The following PSD3 variants were observed in gnomAD, a reference collection of about 807,000 sequenced individuals.
PSD3 encodes PH and SEC7 domain-containing protein 3.
A neutral mutation model predicts 105.5 loss-of-function variants in PSD3; 49 were observed. That is an observed-to-expected ratio of 0.46 (90% confidence interval 0.37 to 0.59). The LOEUF is 0.59. PSD3 is among the 20% of genes least tolerant of loss of function. The pLI, the probability that PSD3 is intolerant of heterozygous loss-of-function variation, is 0.00. For missense variants in PSD3, 1,561 were observed against 1,263.8 expected (o/e 1.24, Z -3.57); for synonymous variants, 557 against 457.8 (o/e 1.22, Z -2.77).
intron 8 of PSD3, among the ~76,000 whole-genome samples, chr8:18,798,696 GTTCATTTATT>G (rs142257565): frequency 0.37 from 55,644 of 151,832 alleles, 12,721 homozygotes; most frequent in Middle Eastern, 0.53. Flanking sequence ...ATAGTCCCAG[GTTCATTTATT>G]TTAAAGAGTA....
intron 4 of PSD3, among the ~76,000 whole-genome samples, chr8:18,827,649 TGG>T (rs1480614862): frequency 6.6e-6 from 1 of 152,092 alleles, no homozygotes; most frequent in Non-Finnish European, 1.5e-5. Context: ...AGACTGAAGA[TGG>T]GGGTAGGTCC....
At chr8:18,949,154 A>C (rs11204004) in intron 1 of PSD3, among the ~76,000 whole-genome samples, 1 of 136,438 alleles carries the variant, frequency 7.3e-6, no homozygotes, top group South Asian at 2.5e-4. Flanking sequence ...CCCAGGAGAC[A>C]GAGCTTGCAG....
chr8:18,692,612 G>T (rs576538396), intron 9 of PSD3, among the ~76,000 whole-genome samples: 9 of 152,314 alleles, frequency 5.9e-5, no homozygotes, highest in African/African-American at 1.9e-4. Flanking sequence ...CTTTTTTAAA[G>T]ATGATGAAAA....
At chr8:18,798,073 C>T (rs933589876) in intron 8 of PSD3, among the ~76,000 whole-genome samples, 1 of 152,192 alleles carries the variant, frequency 6.6e-6, no homozygotes, top group Admixed American at 6.5e-5. Flanking sequence ...AATCCACTGA[C>T]TGGCCATCCC....
chr8:18,737,427 C>T (rs1028774956), intron 9 of PSD3, among the ~76,000 whole-genome samples: 23 of 152,064 alleles, frequency 1.5e-4, no homozygotes, highest in Admixed American at 9.8e-4. Flanking sequence ...TGGGCTCAAG[C>T]GATCCTCCCA....
chr8:19,011,536 CT>C (rs1198375838), intron 1 of PSD3, among the ~76,000 whole-genome samples: 1 of 152,128 alleles, frequency 6.6e-6, no homozygotes, highest in Non-Finnish European at 1.5e-5. Context: ...TTCCATCTTA[CT>C]TTATTTTTTT....
intron 15 of PSD3, among the ~76,000 whole-genome samples, chr8:18,550,764 C>T (rs1219524485): frequency 1.3e-5 from 2 of 152,056 alleles, no homozygotes; most frequent in Non-Finnish European, 2.9e-5. Flanking sequence ...CATCTTAAGT[C>T]GGGAACCATC....
Position 19,074,584 on chromosome 8 carries a change from G to GATATATATATATATATAT in PSD3, c.324+9621_324+9622insATATATATATATATATAT, listed in dbSNP as rs57891868. 1.7e-3 allele frequency among the ~76,000 whole-genome samples: 174 copies of GATATATATATATATATAT among 99,478 alleles called. 10 individuals are homozygous for GATATATATATATATATAT. Among genetic ancestry groups the GATATATATATATATATAT allele is most frequent in the Non-Finnish European group, 2.8e-3 (132 of 47,820 alleles). 65.3% of individuals were successfully genotyped at this position (99,478 alleles called of 152,430 possible). A position where few individuals can be genotyped will look rare whatever the true frequency, so the allele number is the denominator to read the frequency against. On this transcript the variant is annotated intron_variant, in intron 1 of 1. Transcript: ENST00000521475. ...ATAAAAGGTATAATTTTACAACTCA[G>GATATATATATATATATAT]ATATATACATATATATATATATATA...
intron 1 of PSD3, among the ~76,000 whole-genome samples, chr8:18,978,105 T>C (rs973119552): frequency 6.6e-6 from 1 of 152,158 alleles, no homozygotes; most frequent in Admixed American, 6.5e-5. Context: ...AGGGAGGAAT[T>C]TGAAAGCCAG....
chr8:18,945,183 C>T (rs1423017416), intron 1 of PSD3, among the ~76,000 whole-genome samples: 1 of 152,190 alleles, frequency 6.6e-6, no homozygotes, highest in African/African-American at 2.4e-5. Context: ...GTGAATGTCA[C>T]CTTACATGGC....
At chr8:18,922,675 T>A (rs1188367070) in intron 2 of PSD3, among the ~76,000 whole-genome samples, 1 of 152,114 alleles carries the variant, frequency 6.6e-6, no homozygotes, top group Non-Finnish European at 1.5e-5. Flanking sequence ...CAGATGCCCA[T>A]CTAAAGCCGT....
At chr8:18,541,663 G>A (rs1005353950) in intron 15 of PSD3, among the ~76,000 whole-genome samples, 6 of 152,090 alleles carry the variant, frequency 3.9e-5, no homozygotes, top group African/African-American at 1.4e-4. Flanking sequence ...CCTTGCTTAG[G>A]ACTGGGGCTT....
chr8:19,062,500 C>G (rs1828937948), intron 1 of PSD3, among the ~76,000 whole-genome samples: 1 of 151,748 alleles, frequency 6.6e-6, no homozygotes, highest in Non-Finnish European at 1.5e-5. Flanking sequence ...CCAGTTAACT[C>G]CACGACAGAC....
intron 9 of PSD3, chr8:18,684,241 CACACACACA>C (rs1563169335): frequency 7.3e-5 from 16 of 219,898 alleles, no homozygotes; most frequent in African/African-American, 3.4e-4. Context: ...CACACACACA[CACACACACA>C]CCCCATCATA....
At chr8:18,987,550 A>C (rs780528836) in intron 1 of PSD3, among the ~76,000 whole-genome samples, 46 of 152,110 alleles carry the variant, frequency 3.0e-4, no homozygotes, top group Admixed American at 6.5e-4. Flanking sequence ...GCCTCCCAAA[A>C]ATCTCTGCCT....
intron 2 of PSD3, among the ~76,000 whole-genome samples, chr8:18,909,357 C>G (rs1019079115): frequency 6.6e-6 from 1 of 152,114 alleles, no homozygotes; most frequent in Admixed American, 6.5e-5. Flanking sequence ...AATATATGAA[C>G]GGTATAGGCA....
intron 2 of PSD3, among the ~76,000 whole-genome samples, chr8:18,874,725 A>T (rs974536569): frequency 1.3e-5 from 2 of 150,508 alleles, no homozygotes; most frequent in South Asian, 2.1e-4. Context: ...AAAAAAAAAA[A>T]TTTGATTTCC....
At chr8:18,778,891 C>A (rs539979800) in intron 8 of PSD3, among the ~76,000 whole-genome samples, 1 of 151,952 alleles carries the variant, frequency 6.6e-6, no homozygotes, top group East Asian at 1.9e-4. Context: ...CATCTAAGTT[C>A]GTCAGGAATA....
At chr8:18,647,875 C>A (rs1029368689) in intron 10 of PSD3, among the ~76,000 whole-genome samples, 2 of 152,222 alleles carry the variant, frequency 1.3e-5, no homozygotes, top group Non-Finnish European at 2.9e-5. Flanking sequence ...GGGGCACCTG[C>A]CCCCTCTCTC....
Sources: gnomAD v4.1 joint callset for allele counts (sites outside exome capture counted in the v4.1 genomes callset) on GRCh38, gnomAD v4.1.1 for gene constraint, MANE v1.5 for transcripts, NCBI Gene and HGNC (gene_info 2026-07-23, HGNC 2026-07-21) for gene names.